TUSC3: variants seen among roughly 807,000 people sequenced by gnomAD.
TUSC3 encodes dolichyl-diphosphooligosaccharide--protein glycosyltransferase subunit TUSC3.
In TUSC3, 45 loss-of-function variants were observed where a neutral mutation model predicts 44.8. The observed-to-expected ratio is 1.00, with a 90% CI of 0.79 to 1.29. The LOEUF is 1.29. Ranked by LOEUF, TUSC3 falls within the 50% of genes most tolerant of loss-of-function variation. TUSC3 has a pLI of 0.00. For missense variants in TUSC3, 519 were observed against 437.9 expected (o/e 1.19, Z -1.65); for synonymous variants, 212 against 152.9 (o/e 1.39, Z -2.85).
At chr8:15,804,927 G>C in the TUSC3 span, among the ~76,000 whole-genome samples, 3 of 152,058 alleles carry the variant, frequency 2.0e-5, no homozygotes, top group Admixed American at 1.3e-4. Context: ...GGGCAGTATG[G>C]CCATTTTAAC....
chr8:15,536,756 C>CATTATGCCTGTATG (rs990526742), upstream of TUSC3, among the ~76,000 whole-genome samples: 1 of 129,516 alleles, frequency 7.7e-6, no homozygotes, highest in Non-Finnish European at 1.6e-5. Flanking sequence ...AGGAGTCTTG[C>CATTATGCCTGTATG]ATTATGCCTG....
chr8:15,834,321 T>G, the TUSC3 span, among the ~76,000 whole-genome samples: 1 of 152,198 alleles, frequency 6.6e-6, no homozygotes. Flanking sequence ...GTACACTCTT[T>G]CTTTTTAGTT....
chr8:15,836,139 A>C, the TUSC3 span, among the ~76,000 whole-genome samples: 1 of 139,102 alleles, frequency 7.2e-6, no homozygotes, highest in African/African-American at 2.6e-5. Context: ...TTTCATTATA[A>C]AATTATTTTT....
chr8:15,659,685 G>T (rs763666128), intron 4 of TUSC3, 38 bp downstream of exon 4: 3 of 1,607,636 alleles, frequency 1.9e-6, no homozygotes, highest in Non-Finnish European at 2.5e-6. Flanking sequence ...TAATAGGCTG[G>T]TTAGTTTGTT....
At chr8:15,744,367 A>T (rs1329887733) in intron 8 of TUSC3, among the ~76,000 whole-genome samples, 1 of 152,154 alleles carries the variant, frequency 6.6e-6, no homozygotes, top group East Asian at 1.9e-4. Context: ...GTTTCCTGCC[A>T]CAGACCTTTT....
chr8:15,446,637 G>A (rs1193285539), intron 1 of TUSC3, among the ~76,000 whole-genome samples: 2 of 151,318 alleles, frequency 1.3e-5, no homozygotes, highest in Admixed American at 1.3e-4. Flanking sequence ...TGAGGCAGGA[G>A]AATCAGGCAG....
intron 1 of TUSC3, among the ~76,000 whole-genome samples, chr8:15,444,885 T>A (rs553223719): frequency 2.4e-4 from 36 of 152,324 alleles, no homozygotes; most frequent in Admixed American, 1.5e-3. Flanking sequence ...GGGAGAAATG[T>A]CAAAGTCCCG....
At chr8:15,439,528 G>A (rs542364066) in intron 1 of TUSC3, among the ~76,000 whole-genome samples, 2 of 152,294 alleles carry the variant, frequency 1.3e-5, no homozygotes, top group South Asian at 4.1e-4. Flanking sequence ...CTGCCCTCCA[G>A]CCTGGGTGAC....
chr8:15,751,693 T>TAAAAGTTAA (rs1434671721), intron 9 of TUSC3, among the ~76,000 whole-genome samples: 1 of 152,182 alleles, frequency 6.6e-6, no homozygotes, highest in Admixed American at 6.5e-5. Flanking sequence ...CAAGTACCTA[T>TAAAAGTTAA]AAAAGTTAAC....
At chr8:15,639,929 A>C (rs1298429411) in intron 2 of TUSC3, among the ~76,000 whole-genome samples, 5 of 152,170 alleles carry the variant, frequency 3.3e-5, no homozygotes, top group Admixed American at 3.3e-4. Context: ...TTTATTTATC[A>C]GAAGACAGTG....
intron 1 of TUSC3, among the ~76,000 whole-genome samples, chr8:15,458,526 A>C (rs28727877): frequency 0.013 from 1,999 of 152,274 alleles, 54 homozygotes; most frequent in African/African-American, 0.046. Context: ...GGTGGAAGCC[A>C]CTGAGCCCAG....
At chr8:15,756,408 A>G (rs1001710174) in intron 9 of TUSC3, among the ~76,000 whole-genome samples, 1 of 152,178 alleles carries the variant, frequency 6.6e-6, no homozygotes, top group African/African-American at 2.4e-5. Flanking sequence ...CTCAATAAAA[A>G]GTACTCACTT....
At chr8:15,688,220 A>G (rs374208596) in intron 6 of TUSC3, among the ~76,000 whole-genome samples, 1 of 150,370 alleles carries the variant, frequency 6.7e-6, no homozygotes, top group African/African-American at 2.4e-5. Flanking sequence ...TCATAATTAT[A>G]TACATTCAGG....
intron 1 of TUSC3, among the ~76,000 whole-genome samples, chr8:15,443,436 T>A (rs1800048390): frequency 6.7e-6 from 1 of 150,012 alleles, no homozygotes; most frequent in African/African-American, 2.4e-5. Flanking sequence ...TGGGCTCGAG[T>A]GATCTGCCTG....
At chr8:15,552,301 T>G (rs1802085002) in intron 1 of TUSC3, among the ~76,000 whole-genome samples, 1 of 151,698 alleles carries the variant, frequency 6.6e-6, no homozygotes, top group African/African-American at 2.4e-5. Flanking sequence ...TCAACAAATA[T>G]TTATTGGTGA....
the TUSC3 span, among the ~76,000 whole-genome samples, chr8:15,816,013 C>T: frequency 6.6e-6 from 1 of 152,060 alleles, no homozygotes; most frequent in African/African-American, 2.4e-5. Flanking sequence ...GGAAGAGGTA[C>T]TAGATATATT....
intron 9 of TUSC3, chr8:15,748,775 G>T (rs369619844): frequency 1.8e-6 from 1 of 541,454 alleles, no homozygotes; most frequent in Non-Finnish European, 3.6e-6. Flanking sequence ...TCGTGATTTC[G>T]ACTTCATTTG....
the TUSC3 span, among the ~76,000 whole-genome samples, chr8:15,772,979 A>ATACT: frequency 2.3e-4 from 3 of 12,944 alleles, no homozygotes; most frequent in African/African-American, 1.2e-3. Flanking sequence ...GTGAACACAA[A>ATACT]CACTCAACAT....
At chr8:15,669,564 GT>G (rs1357828361) in intron 5 of TUSC3, among the ~76,000 whole-genome samples, 2 of 151,574 alleles carry the variant, frequency 1.3e-5, no homozygotes, top group Non-Finnish European at 2.9e-5. Context: ...TACAAGAATG[GT>G]TTACCATGTG....
Sources: allele counts gnomAD v4.1 joint callset (sites outside exome capture counted in the v4.1 genomes callset), GRCh38; gene constraint gnomAD v4.1.1; transcripts MANE v1.5; gene names NCBI Gene and HGNC (gene_info 2026-07-23, HGNC 2026-07-21).